SNX24: variants seen among roughly 807,000 people sequenced by gnomAD.
SNX24 encodes sorting nexin-24.
Under a neutral mutation model 28.7 loss-of-function variants are expected in SNX24, and 22 were observed. The observed-to-expected ratio is 0.77, with a 90% CI of 0.55 to 1.10. The LOEUF is 1.10. SNX24 is among the 50% of genes least tolerant of loss of function. SNX24 has a pLI of 0.00. For missense variants in SNX24, 221 were observed against 201.1 expected, an observed-to-expected ratio of 1.10 and a Z score of -0.60; for synonymous variants, 69 against 71.5, an observed-to-expected ratio of 0.96 and a Z score of 0.18.
intron 1 of SNX24, among the ~76,000 whole-genome samples, chr5:122,888,903 G>A (rs1048786664): frequency 6.6e-6 from 1 of 152,166 alleles, no homozygotes; most frequent in Non-Finnish European, 1.5e-5. Context: ...CAAGAATGGA[G>A]TGCAGTGGCG....
chr5:122,853,115 CTTTTTTTTT>C (rs10530519), intron 1 of SNX24, among the ~76,000 whole-genome samples: 2 of 71,588 alleles, frequency 2.8e-5, no homozygotes, highest in Non-Finnish European at 5.0e-5. Context: ...GTTCTTTAGC[CTTTTTTTTT>C]TTTTTTTTTT....
At chr5:122,899,483 A>G (rs1356469026) in intron 1 of SNX24, among the ~76,000 whole-genome samples, 1 of 152,114 alleles carries the variant, frequency 6.6e-6, no homozygotes, top group African/African-American at 2.4e-5. Context: ...ATTACAGCTC[A>G]CTGAATCCTC....
intron 1 of SNX24, among the ~76,000 whole-genome samples, chr5:122,898,958 C>T (rs1442204546): frequency 6.6e-6 from 1 of 152,208 alleles, no homozygotes; most frequent in African/African-American, 2.4e-5. Flanking sequence ...TCCTTGGGTG[C>T]ACACAGGAGG....
At position 123,008,833 on chromosome 5, in the gene SNX24, C is replaced by T; in HGVS notation, c.*1084C>T. On this transcript the variant is annotated 3_prime_UTR_variant, in exon 7 of 7. Coordinates refer to ENST00000261369, the MANE Select transcript of SNX24 (RefSeq NM_014035.4). ...TGATATAACTCCACTGTACATCATC[C>T]TTTGAGTAGTAAAGGATAAAAGCAT... 1.0e-6 allele frequency: 1 copy of T among 973,618 alleles called. No individual in the cohort carries two copies. Among genetic ancestry groups the T allele is most frequent in the Non-Finnish European group, 1.2e-6 (1 of 818,794 alleles). 60.3% of individuals were successfully genotyped at this position (973,618 alleles called of 1,614,324 possible). A position where few individuals can be genotyped will look rare whatever the true frequency, so the allele number is the denominator to read the frequency against.
At chr5:122,937,116 T>G (rs1440636373) in intron 2 of SNX24, among the ~76,000 whole-genome samples, 1 of 152,204 alleles carries the variant, frequency 6.6e-6, no homozygotes. Context: ...CAGACTCTGT[T>G]TTATCCATGA....
intron 1 of SNX24, among the ~76,000 whole-genome samples, chr5:122,882,770 CTCTG>C (rs1182034538): frequency 2.0e-5 from 3 of 152,076 alleles, no homozygotes; most frequent in East Asian, 1.9e-4. Context: ...ATCTCTCAAT[CTCTG>C]TCTGTAAATG....
chr5:123,026,074 G>A, intron 5 of SNX24: 1 of 944,328 alleles, frequency 1.1e-6, no homozygotes, highest in Non-Finnish European at 1.5e-6. Context: ...CCTATAGGAG[G>A]TAGGGATGGG....
chr5:122,870,007 T>C (rs1561528133), intron 1 of SNX24, among the ~76,000 whole-genome samples: 1 of 152,108 alleles, frequency 6.6e-6, no homozygotes, highest in Non-Finnish European at 1.5e-5. Context: ...GTAGTATAAC[T>C]TTTAGGGAAA....
intron 3 of SNX24, among the ~76,000 whole-genome samples, chr5:122,947,574 G>T (rs30028): frequency 0.77 from 116,906 of 151,944 alleles, 45,845 homozygotes; most frequent in East Asian, 0.99. Context: ...GGGGGTGAGA[G>T]CTTAAAGGAA....
At chr5:122,862,221 C>T (rs1439838931) in intron 1 of SNX24, among the ~76,000 whole-genome samples, 1 of 152,052 alleles carries the variant, frequency 6.6e-6, no homozygotes, top group Non-Finnish European at 1.5e-5. Context: ...TGAAGATCCC[C>T]AGCTAAAAGT....
chr5:122,870,621 C>G (rs1388083947), intron 1 of SNX24, among the ~76,000 whole-genome samples: 4 of 152,202 alleles, frequency 2.6e-5, no homozygotes, highest in African/African-American at 9.6e-5. Context: ...GGAAGAATGA[C>G]AAACGCGTGT....
intron 1 of SNX24, among the ~76,000 whole-genome samples, chr5:122,925,573 A>G (rs1758660427): frequency 6.6e-6 from 1 of 151,754 alleles, no homozygotes. Flanking sequence ...CTTGGTCTTT[A>G]TTTTCATAGC....
intron 1 of SNX24, among the ~76,000 whole-genome samples, chr5:122,873,814 G>C (rs372403253): frequency 7.0e-6 from 1 of 142,076 alleles, no homozygotes; most frequent in South Asian, 2.2e-4. Flanking sequence ...CACCCAGGCT[G>C]GAGTGCAATG....
At chr5:123,027,409 A>G (rs973509058) in intron 5 of SNX24, among the ~76,000 whole-genome samples, 1 of 152,226 alleles carries the variant, frequency 6.6e-6, no homozygotes, top group Admixed American at 6.5e-5. Context: ...AGGTAGCAGA[A>G]AAGAGGGCAG....
intron 1 of SNX24, among the ~76,000 whole-genome samples, chr5:122,864,952 A>T (rs1281165611): frequency 6.6e-6 from 1 of 152,234 alleles, no homozygotes; most frequent in African/African-American, 2.4e-5. Flanking sequence ...GTTCCTCCCA[A>T]GGTTAGGTCA....
At chr5:123,025,847 G>A in intron 5 of SNX24, 1 of 1,614,094 alleles carries the variant, frequency 6.2e-7, no homozygotes, top group South Asian at 1.1e-5. Context: ...GCTTGGTCAA[G>A]GTGATAAAGA....
At chr5:122,937,150 A>G (rs933277794) in intron 2 of SNX24, among the ~76,000 whole-genome samples, 3 of 152,252 alleles carry the variant, frequency 2.0e-5, no homozygotes, top group Admixed American at 1.3e-4. Flanking sequence ...TTCCTTACAG[A>G]CAGGGGAGAA....
At chr5:122,923,550 T>C (rs1353037094) in intron 1 of SNX24, among the ~76,000 whole-genome samples, 1 of 152,180 alleles carries the variant, frequency 6.6e-6, no homozygotes, top group African/African-American at 2.4e-5. Context: ...GGAGGGTCTT[T>C]AATTGTAGTA....
intron 1 of SNX24, among the ~76,000 whole-genome samples, chr5:122,855,988 C>T (rs576323183): frequency 6.6e-6 from 1 of 152,132 alleles, no homozygotes; most frequent in South Asian, 2.1e-4. Flanking sequence ...ATTTTAGGTT[C>T]GGGGGTACAT....
Sources: gnomAD v4.1 joint callset for allele counts (sites outside exome capture counted in the v4.1 genomes callset) on GRCh38, gnomAD v4.1.1 for gene constraint, MANE v1.5 for transcripts, NCBI Gene and HGNC (gene_info 2026-07-23, HGNC 2026-07-21) for gene names.